The following SRSF7 variants were observed in gnomAD, a reference collection of about 807,000 sequenced individuals.
SRSF7 encodes the protein serine/arginine-rich splicing factor 7.
SRSF7 carries 15 observed loss-of-function variants against 42.2 expected under a neutral mutation model. The ratio of observed to expected loss-of-function variants is 0.36; its 90% CI spans 0.24 to 0.55. SRSF7 has a LOEUF of 0.55. Among genes scored for constraint, SRSF7 ranks in the 20% least tolerant of loss-of-function variants. The pLI is 0.88. For synonymous variants in SRSF7, 138 were observed against 107.9 expected (o/e 1.28, Z -1.73); for missense variants, 181 against 305.9 (o/e 0.59, Z 3.04).
intron 2 of SRSF7, 115 bp from the exon 3 acceptor site, chr2:38,749,820 A>C (rs1026402008): frequency 7.6e-7 from 1 of 1,322,852 alleles, no homozygotes; most frequent in Non-Finnish European, 1.0e-6. Flanking sequence ...CCCCCCCAAC[A>C]AACTTTGGCG....
chr2:38,751,388 A>G (rs945192533), upstream of SRSF7: 7 of 1,228,476 alleles, frequency 5.7e-6, no homozygotes, highest in Admixed American at 1.9e-5. Flanking sequence ...TCGCGTTTAT[A>G]TATGCGGCCG....
chr2:38,750,915 G>A, intron 1 of SRSF7: 2 of 375,504 alleles, frequency 5.3e-6, no homozygotes, highest in Non-Finnish European at 5.1e-6. Context: ...GGCAGCCGCC[G>A]CCGAGGGCGG....
intron 1 of SRSF7, chr2:38,751,000 G>T (rs1456653346): frequency 7.2e-6 from 4 of 552,570 alleles, no homozygotes; most frequent in Non-Finnish European, 1.3e-5. Context: ...CTTTAGGCTG[G>T]ATTGGGCCAC....
chr2:38,747,619 C>A (rs1017767978), intron 5 of SRSF7, among the ~76,000 whole-genome samples: 1 of 151,880 alleles, frequency 6.6e-6, no homozygotes, highest in Non-Finnish European at 1.5e-5. Context: ...CCCTAGTCAA[C>A]TTTCCAGTGT....
intron 1 of SRSF7, 101 bp from the exon 2 acceptor site, chr2:38,750,295 A>G (rs1668092736): frequency 9.3e-7 from 1 of 1,079,570 alleles, no homozygotes; most frequent in Non-Finnish European, 1.3e-6. Flanking sequence ...AGATTGGGTA[A>G]AGCACATTTA....
chr2:38,748,229 A>T, intron 4 of SRSF7, 72 bp from the exon 5 acceptor site: 1 of 1,162,176 alleles, frequency 8.6e-7, no homozygotes, highest in East Asian at 2.5e-5. Context: ...TCAACTGGGG[A>T]ACGGTGCAGT....
chr2:38,748,023 GT>G (rs758517479), intron 5 of SRSF7, 23 bp downstream of exon 5: 41 of 1,555,390 alleles, frequency 2.6e-5, no homozygotes, highest in Non-Finnish European at 3.5e-5. Context: ...CCAAACACAA[GT>G]AAGGAAAAAA....
At position 38,745,865 on chromosome 2, in the gene SRSF7, G is replaced by A. The variant is rs565829572; in HGVS notation, c.662+279C>T. Among the ~76,000 whole-genome samples, 25 of 152,188 alleles carry A rather than the reference G, an allele frequency of 1.6e-4. No individual in the cohort carries two copies. The East Asian group carries it at 4.2e-3, about 26-fold the overall frequency. On this transcript the variant is annotated intron_variant, in intron 7 of 7. Transcript: ENST00000313117. ...ACTTTGTATCTATTGTACATGTGGG[G>A]AAAAGGCATCTATCTTACCAAAATT...
chr2:38,744,886 TC>T lies in SRSF7; in HGVS notation c.*246del. 1 of 447,356 alleles carries T rather than the reference TC, an allele frequency of 2.2e-6. No individual in the cohort carries two copies. Among genetic ancestry groups the T allele is most frequent in the Non-Finnish European group, 4.0e-6 (1 of 251,558 alleles). 27.7% of individuals were successfully genotyped at this position (447,356 alleles called of 1,614,324 possible). ...AAGAAGTGTTAATATTGAACACAAA[TC>T]AAAAATCTAGTTAGAAACATTTTAT... On this transcript the variant is annotated 3_prime_UTR_variant, in exon 8 of 8. Transcript: ENST00000313117.
intron 4 of SRSF7, 103 bp downstream of exon 4, chr2:38,748,476 G>GA: frequency 8.3e-7 from 1 of 1,203,922 alleles, no homozygotes; most frequent in South Asian, 1.2e-5. Context: ...CCGGGTGACA[G>GA]AGCAAGACCC....
At position 38,744,088 on chromosome 2, in the gene SRSF7, A is replaced by C; in HGVS notation, c.*1045T>G. 1.3e-5 allele frequency: 2 copies of C among 152,480 alleles called. No individual in the cohort carries two copies. The highest frequency in any genetic ancestry group is 2.9e-5 in the Non-Finnish European group (2 of 68,036). 9.4% of individuals were successfully genotyped at this position (152,480 alleles called of 1,614,324 possible). A position where few individuals can be genotyped will look rare whatever the true frequency, so the allele number is the denominator to read the frequency against. ...ATATTAGCTACATGGAGTGTTGCTA[A>C]ATATAGCTGAGATTTACAAAACCAC... is the stretch of plus-strand genomic sequence containing the variant. On this transcript the variant is annotated 3_prime_UTR_variant, in exon 8 of 8. Transcript: ENST00000313117.
chr2:38,744,975 TTTATA>T lies in SRSF7; in HGVS notation c.*153_*157del. 1.5e-6 allele frequency: 1 copy of T among 677,340 alleles called. No individual in the cohort carries two copies. Among genetic ancestry groups the T allele is most frequent in the Non-Finnish European group, 2.4e-6 (1 of 424,006 alleles). 42.0% of individuals were successfully genotyped at this position (677,340 alleles called of 1,614,324 possible). A position where few individuals can be genotyped will look rare whatever the true frequency, so the allele number is the denominator to read the frequency against. ...TATGATGTTAATACATTCAACAAAATTTATATTATCTTACTGCTGTGAATTTACAT... is the reference window on the plus strand; with the variant it reads ...TATGATGTTAATACATTCAACAAAATTTATCTTACTGCTGTGAATTTACAT... On this transcript the variant is annotated 3_prime_UTR_variant, in exon 8 of 8. Transcript: ENST00000313117.
chr2:38,751,220 G>C lies in SRSF7; in HGVS notation c.28+9C>G, dbSNP rs1440638830. 1.1e-5 allele frequency: 18 copies of C among 1,613,932 alleles called. No individual in the cohort carries two copies. The highest frequency in any genetic ancestry group is 1.5e-5 in the Non-Finnish European group (18 of 1,179,974). ...CACCAACGTCCCTCACCGGACTCCA[G>C]CTTCTTACCTCCTCCGTACCGCCCG... On this transcript the variant is annotated intron_variant, in intron 1 of 7. Transcript: ENST00000313117.
chr2:38,750,036 C>A lies in SRSF7; in HGVS notation c.187G>T (p.Ala63Ser). ...EFEDPRDAED[A>S]VRGLDGKVIC... The stretch of plus-strand genomic sequence containing the variant: ...TACTTTCCATCCAGTCCTCGTACTG[C>A]ATCTTCTGCATCTCTAGGATCTTCG... Residue 63 changes from alanine (A) to serine (S), a missense_variant, in exon 2 of 8, where the codon GCA becomes TCA. This residue lies in a region of SRSF7 where 45 missense variants were observed against 158.1 expected (regional missense o/e 0.28). Coordinates refer to ENST00000313117, the MANE Select transcript of SRSF7 (RefSeq NM_001031684.3). 6.2e-7 allele frequency: 1 copy of A among 1,612,860 alleles called. No individual in the cohort carries two copies. Among genetic ancestry groups the A allele is most frequent in the South Asian group, 1.1e-5 (1 of 90,764 alleles).
chr2:38,746,327 C>G, intron 6 of SRSF7, 148 bp from the exon 7 acceptor site: 1 of 918,322 alleles, frequency 1.1e-6, no homozygotes, highest in Non-Finnish European at 1.7e-6. Flanking sequence ...TTGTTGCTAA[C>G]AAAAGCCAAT....
At position 38,749,669 on chromosome 2, in the gene SRSF7, C is replaced by G; in HGVS notation, c.246G>C (p.Ser82=). The G allele has an allele frequency of 3.2e-6, 5 of 1,583,218 alleles. No homozygotes were observed. The highest frequency in any genetic ancestry group is 1.4e-5 in the African/African-American group (1 of 73,140). ...ICGSRVRVEL[S]TGMPRRSRFD... ...AACGTGATCTCCGAGGCATGCCTGT[C>G]GATAGTTCAACCCTCACTCGGGAGC... Residue 82 remains serine (S), a synonymous_variant, in exon 3 of 8, where the codon TCG becomes TCC. Transcript: ENST00000313117.
chr2:38,750,293 T>A lies in SRSF7; in HGVS notation c.29-99A>T, dbSNP rs547187305. 5 of 1,119,660 alleles carry A rather than the reference T, an allele frequency of 4.5e-6. No individual in the cohort carries two copies. In the Admixed American group the frequency reaches 6.9e-5, roughly 16 times the overall value. The allele number at this position is 1,119,660 out of a possible 1,614,324, so 69.4% of individuals were successfully genotyped here. On this transcript the variant is annotated intron_variant, in intron 1 of 7. Coordinates refer to ENST00000313117, the MANE Select transcript of SRSF7 (RefSeq NM_001031684.3). ...AAAACGGGCCATCCTCAAGATTGGG[T>A]AAAGCACATTTAATGCCCTCTATCC...
At chr2:38,749,920 CTCTTCCAGACTTCAGAATCCAAAT>C (rs1305174297) in intron 2 of SRSF7, 70 bp downstream of exon 2, 41 of 1,397,148 alleles carry the variant, frequency 2.9e-5, no homozygotes, top group Non-Finnish European at 4.0e-5. Context: ...TATTTAAGGT[CTCTTCCAGACTTCAGAATCCAAAT>C]TTAGCACTAA....
intron 3 of SRSF7, 185 bp from the exon 4 acceptor site, chr2:38,748,838 G>A: frequency 3.8e-6 from 5 of 1,318,706 alleles, no homozygotes; most frequent in South Asian, 1.6e-5. Flanking sequence ...TTTGTTAAAA[G>A]CTGAATTACA....
Sources: allele counts gnomAD v4.1 joint callset (sites outside exome capture counted in the v4.1 genomes callset), GRCh38; gene constraint gnomAD v4.1.1; regional missense constraint gnomAD v4.1.1; transcripts MANE v1.5; gene names NCBI Gene and HGNC (gene_info 2026-07-23, HGNC 2026-07-21).